The following PPP1R13B variants were observed in gnomAD, a reference collection of about 807,000 sequenced individuals.
PPP1R13B encodes protein phosphatase 1 regulatory subunit 13B.
In PPP1R13B, 44 loss-of-function variants were observed where a neutral mutation model predicts 119.8. That is an observed-to-expected ratio of 0.37 (90% CI 0.29 to 0.47). The LOEUF (loss-of-function observed/expected upper bound fraction) is 0.47, where lower values mean the gene tolerates loss of function less well. PPP1R13B is among the 20% of genes least tolerant of loss of function. The pLI is 0.99. For synonymous variants in PPP1R13B, 542 were observed against 561.5 expected (o/e 0.97, Z 0.49); for missense variants, 1,227 against 1,413.5 (o/e 0.87, Z 2.12).
chr14:103,842,581 G>A (rs2152089013), intron 1 of PPP1R13B, among the ~76,000 whole-genome samples: 1 of 151,758 alleles, frequency 6.6e-6, no homozygotes, highest in Middle Eastern at 3.4e-3. Context: ...GGGATTACAG[G>A]CGTGAGCCAC....
intron 1 of PPP1R13B, among the ~76,000 whole-genome samples, chr14:103,810,507 C>T (rs537213275): frequency 4.6e-5 from 7 of 151,988 alleles, no homozygotes; most frequent in African/African-American, 1.7e-4. Context: ...GGCGTGGTGG[C>T]TCATGCCTGT....
intron 2 of PPP1R13B, among the ~76,000 whole-genome samples, chr14:103,795,550 G>C (rs2085738898): frequency 6.6e-6 from 1 of 152,154 alleles, no homozygotes; most frequent in Admixed American, 6.5e-5. Flanking sequence ...AGAGGCCATA[G>C]ACCATTTAGG....
chr14:103,804,159 G>T, intron 1 of PPP1R13B: 1 of 581,486 alleles, frequency 1.7e-6, no homozygotes, highest in Non-Finnish European at 2.2e-6. Flanking sequence ...GTGTTCTCCA[G>T]CTCAGTGCCT....
chr14:103,734,648 TTCCATACAGAGGC>T lies in PPP1R13B; in HGVS notation c.*493_*505del, dbSNP rs574674925. On this transcript the variant is annotated 3_prime_UTR_variant, in exon 17 of 17. Transcript: ENST00000202556. ...CACTGGGCAGCAACACTGGACATGT[TTCCATACAGAGGC>T]TCCTTTGGTGATGAAGGGAAGAAGG... The T allele has an allele frequency of 1.1e-4, 49 of 456,644 alleles. No individual in the cohort carries two copies. The highest frequency in any genetic ancestry group is 9.0e-4 in the African/African-American group (45 of 50,202). The allele number at this position is 456,644 out of a possible 1,614,324, so 28.3% of individuals were successfully genotyped here.
chr14:103,780,166 A>G (rs1184030533), intron 3 of PPP1R13B, among the ~76,000 whole-genome samples: 1 of 149,360 alleles, frequency 6.7e-6, no homozygotes, highest in Non-Finnish European at 1.5e-5. Context: ...ACCAAAACTA[A>G]AAGCAAAAAA....
intron 1 of PPP1R13B, among the ~76,000 whole-genome samples, chr14:103,815,449 G>A (rs1308422725): frequency 6.6e-6 from 1 of 152,112 alleles, no homozygotes; most frequent in Non-Finnish European, 1.5e-5. Context: ...TACCAATAAA[G>A]CTGTTATTTA....
intron 8 of PPP1R13B, among the ~76,000 whole-genome samples, chr14:103,748,999 C>T (rs976088682): frequency 6.6e-6 from 1 of 152,194 alleles, no homozygotes; most frequent in African/African-American, 2.4e-5. Context: ...CCATTAGCAA[C>T]TATCACCTCT....
chr14:103,847,565 C>T lies in PPP1R13B; in HGVS notation c.-258G>A, dbSNP rs1207894967. The T allele has an allele frequency of 8.1e-6, 8 of 986,488 alleles. 1 individual carries two copies. Among genetic ancestry groups the T allele is most frequent in the African/African-American group, 1.8e-5 (1 of 57,018 alleles). The allele number at this position is 986,488 out of a possible 1,614,324, so 61.1% of individuals were successfully genotyped here. ...ACCTCAGCCTCAGCCTCAGCCCCAG[C>T]CCGACAGCCTGCGGCCCGCCCGCCC... On this transcript the variant is annotated 5_prime_UTR_variant, in exon 1 of 17. Coordinates refer to ENST00000202556, the MANE Select transcript of PPP1R13B (RefSeq NM_015316.3).
intron 3 of PPP1R13B, 92 bp downstream of exon 3, chr14:103,784,703 G>A: frequency 7.8e-7 from 1 of 1,289,504 alleles, no homozygotes. Flanking sequence ...GCAGGGCCGG[G>A]TGTGTGTGAA....
chr14:103,753,325 T>C, intron 6 of PPP1R13B, 129 bp from the exon 7 acceptor site: 1 of 876,782 alleles, frequency 1.1e-6, no homozygotes, highest in Non-Finnish European at 1.7e-6. Context: ...ATATGCAGAA[T>C]CCACAACACA....
chr14:103,836,540 G>A (rs2086782671), intron 1 of PPP1R13B, among the ~76,000 whole-genome samples: 2 of 151,958 alleles, frequency 1.3e-5, no homozygotes, highest in Non-Finnish European at 2.9e-5. Context: ...GGAGGGAGAG[G>A]CAGGCGGATC....
At chr14:103,793,994 T>C (rs553524994) in intron 2 of PPP1R13B, among the ~76,000 whole-genome samples, 2 of 152,280 alleles carry the variant, frequency 1.3e-5, no homozygotes, top group East Asian at 3.9e-4. Context: ...ACTAGTGTCC[T>C]TACAAGAGGG....
At chr14:103,772,003 G>T (rs1224556216) in intron 4 of PPP1R13B, among the ~76,000 whole-genome samples, 1 of 152,036 alleles carries the variant, frequency 6.6e-6, no homozygotes, top group Non-Finnish European at 1.5e-5. Flanking sequence ...CCCCACTCCT[G>T]GTTCTCATAT....
intron 1 of PPP1R13B, among the ~76,000 whole-genome samples, chr14:103,816,907 C>T (rs1029703859): frequency 2.6e-5 from 4 of 152,046 alleles, no homozygotes; most frequent in African/African-American, 9.7e-5. Context: ...CTGATGAATA[C>T]AATTTACAAA....
chr14:103,741,231 C>A (rs1240768663), intron 11 of PPP1R13B, among the ~76,000 whole-genome samples: 1 of 152,250 alleles, frequency 6.6e-6, no homozygotes, highest in African/African-American at 2.4e-5. Context: ...CCGTAAGAGT[C>A]GGAAACACCA....
At chr14:103,769,206 C>T (rs981411422) in intron 4 of PPP1R13B, among the ~76,000 whole-genome samples, 2 of 152,150 alleles carry the variant, frequency 1.3e-5, no homozygotes, top group African/African-American at 4.8e-5. Context: ...CTGCTTAAGC[C>T]TCCCGAGTAG....
chr14:103,843,278 G>A (rs2086950607), intron 1 of PPP1R13B, among the ~76,000 whole-genome samples: 1 of 152,024 alleles, frequency 6.6e-6, no homozygotes, highest in South Asian at 2.1e-4. Flanking sequence ...GGAGGCTGGG[G>A]CACGAGAATC....
In PPP1R13B at chr14:103,736,182, C is replaced by T. The variant is rs2084105694; in HGVS notation, c.3052G>A (p.Val1018Met). ...GCATACGCCACACCTTTGTTCATCACACCCAGCTTTTCCTGCACCCCTGGA... is the reference window on the plus strand; with the variant it reads ...GCATACGCCACACCTTTGTTCATCATACCCAGCTTTTCCTGCACCCCTGGA... The part of the protein sequence containing the change: ...FLYGVQEKLG[V>M]MNKGVAYALW... Residue 1018 changes from valine to methionine, a missense_variant, in exon 16 of 17, where the codon GTG becomes ATG. Transcript: ENST00000202556. 6.2e-7 allele frequency: 1 copy of T among 1,613,990 alleles called. No individual in the cohort carries two copies. Among genetic ancestry groups the T allele is most frequent in the Non-Finnish European group, 8.5e-7 (1 of 1,179,956 alleles).
chr14:103,847,098 C>T (rs887176677), intron 1 of PPP1R13B: 9 of 986,320 alleles, frequency 9.1e-6, no homozygotes, highest in Non-Finnish European at 9.6e-6. Context: ...CAGGCGGCCC[C>T]GGCCCCGCGC....
Sources: gnomAD v4.1 joint callset for allele counts (sites outside exome capture counted in the v4.1 genomes callset) on GRCh38, gnomAD v4.1.1 for gene constraint, MANE v1.5 for transcripts, NCBI Gene and HGNC (gene_info 2026-07-23, HGNC 2026-07-21) for gene names.